Variants in HPSE2 observed in about 807,000 individuals in gnomAD.
HPSE2 encodes inactive heparanase-2.
A neutral mutation model predicts 60.5 loss-of-function variants in HPSE2; 38 were observed. That is an observed-to-expected ratio of 0.63 (90% CI 0.48 to 0.82). The LOEUF (loss-of-function observed/expected upper bound fraction) is 0.82. Among genes scored for constraint, HPSE2 ranks in the 40% least tolerant of loss-of-function variants. The pLI is 0.00. For missense variants in HPSE2, 713 were observed against 740.4 expected (o/e 0.96, Z 0.43); for synonymous variants, 295 against 293.2 (o/e 1.01, Z -0.06).
chr10:98,504,667 G>A (rs1301251708), intron 9 of HPSE2, among the ~76,000 whole-genome samples: 1 of 152,052 alleles, frequency 6.6e-6, no homozygotes, highest in Non-Finnish European at 1.5e-5. Context: ...GCAAGCACCT[G>A]TAGTCCCCGC....
the HPSE2 span, among the ~76,000 whole-genome samples, chr10:99,261,739 T>C: frequency 1.3e-5 from 2 of 152,100 alleles, no homozygotes; most frequent in African/African-American, 4.8e-5. Context: ...TAGAGAAGAG[T>C]TGCAATTACT....
intron 3 of HPSE2, among the ~76,000 whole-genome samples, chr10:99,069,007 G>GT (rs1842702354): frequency 6.6e-6 from 1 of 152,184 alleles, no homozygotes; most frequent in African/African-American, 2.4e-5. Flanking sequence ...AGTCCCAGCT[G>GT]TCTTTACTGG....
intron 3 of HPSE2, among the ~76,000 whole-genome samples, chr10:98,977,425 C>A (rs1043841075): frequency 1.3e-5 from 2 of 152,130 alleles, no homozygotes; most frequent in Non-Finnish European, 2.9e-5. Context: ...AGGTACTAGG[C>A]AATAAGGTGG....
At chr10:98,806,700 T>C (rs2134551316) in intron 3 of HPSE2, among the ~76,000 whole-genome samples, 1 of 152,372 alleles carries the variant, frequency 6.6e-6, no homozygotes, top group East Asian at 1.9e-4. Flanking sequence ...TTTAAGTAAC[T>C]AGACTGTTAT....
chr10:98,938,368 A>T (rs1418180026), intron 3 of HPSE2, among the ~76,000 whole-genome samples: 1 of 144,174 alleles, frequency 6.9e-6, no homozygotes, highest in East Asian at 2.0e-4. Context: ...GTATAACTAG[A>T]ATAACCAATA....
intron 11 of HPSE2, among the ~76,000 whole-genome samples, chr10:98,460,048 T>TTG (rs1337073047): frequency 6.6e-6 from 1 of 152,150 alleles, no homozygotes; most frequent in East Asian, 1.9e-4. Context: ...CCAGGTAGTC[T>TTG]ACCTCCATAG....
At chr10:99,012,134 TTC>T (rs1329915873) in intron 3 of HPSE2, among the ~76,000 whole-genome samples, 1 of 152,004 alleles carries the variant, frequency 6.6e-6, no homozygotes, top group Non-Finnish European at 1.5e-5. Context: ...AGAATATTAT[TTC>T]TCTGAGTAGA....
intron 7 of HPSE2, among the ~76,000 whole-genome samples, chr10:98,623,227 G>A (rs1488797900): frequency 6.6e-6 from 1 of 152,076 alleles, no homozygotes; most frequent in Admixed American, 6.5e-5. Flanking sequence ...ACAGAAGGCC[G>A]CATATGATAT....
chr10:98,704,673 T>A (rs1297405569), intron 5 of HPSE2, among the ~76,000 whole-genome samples: 1 of 152,194 alleles, frequency 6.6e-6, no homozygotes, highest in African/African-American at 2.4e-5. Context: ...GATTCCCTAT[T>A]TAATATATTG....
intron 9 of HPSE2, among the ~76,000 whole-genome samples, chr10:98,562,104 T>A (rs2057263337): frequency 6.6e-6 from 1 of 152,114 alleles, no homozygotes; most frequent in African/African-American, 2.4e-5. Context: ...ACCTTTTCTA[T>A]GTTTTGATAT....
chr10:98,476,941 G>C (rs1941048064), intron 11 of HPSE2, among the ~76,000 whole-genome samples: 1 of 152,152 alleles, frequency 6.6e-6, no homozygotes, highest in South Asian at 2.1e-4. Flanking sequence ...AATGAACCCA[G>C]ACAATATCAT....
intron 3 of HPSE2, among the ~76,000 whole-genome samples, chr10:98,782,848 A>T (rs1950504612): frequency 7.5e-6 from 1 of 132,860 alleles, no homozygotes; most frequent in Non-Finnish European, 1.6e-5. Flanking sequence ...CCCAAATGAG[A>T]CTTAAGAATT....
At chr10:98,510,926 G>C (rs1249622379) in intron 9 of HPSE2, among the ~76,000 whole-genome samples, 1 of 152,132 alleles carries the variant, frequency 6.6e-6, no homozygotes, top group African/African-American at 2.4e-5. Context: ...TATAGCTGGA[G>C]GAATTTGCAG....
chr10:99,294,684 A>G, the HPSE2 span, among the ~76,000 whole-genome samples: 1 of 151,976 alleles, frequency 6.6e-6, no homozygotes, highest in Non-Finnish European at 1.5e-5. Flanking sequence ...CTGTAATCTC[A>G]GCACTTTGGG....
chr10:99,071,942 G>A (rs1487779902), intron 3 of HPSE2, among the ~76,000 whole-genome samples: 1 of 151,570 alleles, frequency 6.6e-6, no homozygotes, highest in Non-Finnish European at 1.5e-5. Context: ...CTGTCTGTAT[G>A]CCAGTACCAT....
At chr10:98,619,920 C>T (rs1946027235) in intron 8 of HPSE2, among the ~76,000 whole-genome samples, 1 of 152,184 alleles carries the variant, frequency 6.6e-6, no homozygotes, top group Admixed American at 6.5e-5. Context: ...GGTAAAGAAG[C>T]TGTACTCTGG....
At chr10:98,474,570 A>C (rs1346632814) in intron 11 of HPSE2, among the ~76,000 whole-genome samples, 1 of 152,228 alleles carries the variant, frequency 6.6e-6, no homozygotes, top group Non-Finnish European at 1.5e-5. Context: ...TCTTTGATAT[A>C]GGTTTTAATG....
chr10:99,135,118 G>C (rs867117418), intron 3 of HPSE2, among the ~76,000 whole-genome samples: 1 of 152,144 alleles, frequency 6.6e-6, no homozygotes, highest in Non-Finnish European at 1.5e-5. Flanking sequence ...AAGAGACAAG[G>C]AAGAGCATTA....
At chr10:98,460,542 G>A (rs1158248902) in intron 11 of HPSE2, among the ~76,000 whole-genome samples, 1 of 152,128 alleles carries the variant, frequency 6.6e-6, no homozygotes, top group Non-Finnish European at 1.5e-5. Context: ...GAGCCTGGGA[G>A]GTTGAGGCTG....
Sources: allele counts gnomAD v4.1 joint callset (sites outside exome capture counted in the v4.1 genomes callset), GRCh38; gene constraint gnomAD v4.1.1; transcripts MANE v1.5; gene names NCBI Gene and HGNC (gene_info 2026-07-23, HGNC 2026-07-21).